Variants in ERBB4 observed in about 807,000 individuals in gnomAD.
ERBB4 encodes the protein erb-b2 receptor tyrosine kinase 4, also known as receptor tyrosine-protein kinase erbB-4.
ERBB4 carries 42 observed loss-of-function variants against 158.0 expected under a neutral mutation model. That is an observed-to-expected ratio of 0.27 (90% confidence interval 0.21 to 0.34). ERBB4 has a LOEUF of 0.34. ERBB4 is among the 10% of genes least tolerant of loss of function. The pLI is 1.00. For missense variants in ERBB4, 1,333 were observed against 1,624.1 expected (o/e 0.82, Z 3.08); for synonymous variants, 583 against 558.7 (o/e 1.04, Z -0.61).
intron 1 of ERBB4, among the ~76,000 whole-genome samples, chr2:212,403,550 C>A (rs2091266902): frequency 6.6e-6 from 1 of 151,898 alleles, no homozygotes; most frequent in Admixed American, 6.6e-5. Flanking sequence ...TATTATTCAA[C>A]CTTAAAAAAG....
At position 211,696,516 on chromosome 2, in the gene ERBB4, G is replaced by A. The variant is rs186986314; in HGVS notation, c.1489+5451C>T. The stretch of plus-strand genomic sequence containing the variant: ...GGTATAGAGACAATAAGTGATCTCC[G>A]TAAAGGTCAGATAGCAAAGAGTTCT... On this transcript the variant is annotated intron_variant, in intron 12 of 27. Coordinates refer to ENST00000342788, the MANE Select transcript of ERBB4 (RefSeq NM_005235.3). Among the ~76,000 whole-genome samples, 580 of 152,146 alleles carry A rather than the reference G, an allele frequency of 3.8e-3. 20 individuals are homozygous for A. Among genetic ancestry groups the A allele is most frequent in the Admixed American group, 0.034 (520 of 15,274 alleles).
At chr2:211,571,676 A>G (rs2067733693) in intron 19 of ERBB4, among the ~76,000 whole-genome samples, 3 of 152,222 alleles carry the variant, frequency 2.0e-5, no homozygotes, top group South Asian at 4.1e-4. Flanking sequence ...CTCTGGAAGC[A>G]GTAATGTGAG....
chr2:211,516,398 A>G (rs2066034627), intron 20 of ERBB4, among the ~76,000 whole-genome samples: 1 of 150,652 alleles, frequency 6.6e-6, no homozygotes, highest in Non-Finnish European at 1.5e-5. Context: ...CAGTGGTACA[A>G]TCTTGGCTCA....
At chr2:212,395,951 C>T (rs1303746468) in intron 1 of ERBB4, among the ~76,000 whole-genome samples, 1 of 152,020 alleles carries the variant, frequency 6.6e-6, no homozygotes, top group Non-Finnish European at 1.5e-5. Context: ...AAGATCAACC[C>T]AGTGGATAAC....
At chr2:211,950,930 T>A (rs1404973641) in intron 2 of ERBB4, among the ~76,000 whole-genome samples, 4 of 152,202 alleles carry the variant, frequency 2.6e-5, no homozygotes, top group African/African-American at 9.6e-5. Flanking sequence ...AATGCCCTTA[T>A]CTACCTCTTT....
At chr2:212,235,289 T>C (rs756827394) in intron 1 of ERBB4, among the ~76,000 whole-genome samples, 2 of 152,188 alleles carry the variant, frequency 1.3e-5, no homozygotes, top group Non-Finnish European at 2.9e-5. Context: ...TGATTGTATA[T>C]GTGTGGCATT....
At chr2:212,361,294 T>G (rs1272916894) in intron 1 of ERBB4, among the ~76,000 whole-genome samples, 1 of 151,676 alleles carries the variant, frequency 6.6e-6, no homozygotes, top group African/African-American at 2.4e-5. Flanking sequence ...TGTGCCTCCA[T>G]GCTTTCTTTG....
At chr2:211,707,125 C>G (rs1032088772) in intron 9 of ERBB4, among the ~76,000 whole-genome samples, 4 of 152,150 alleles carry the variant, frequency 2.6e-5, no homozygotes, top group Admixed American at 2.0e-4. Flanking sequence ...TCAGGGCAAG[C>G]ACACAATAAT....
At chr2:211,585,746 G>C (rs1574810084) in intron 19 of ERBB4, among the ~76,000 whole-genome samples, 2 of 151,954 alleles carry the variant, frequency 1.3e-5, no homozygotes, top group African/African-American at 4.8e-5. Flanking sequence ...ATTTGTATTA[G>C]GTAAAGCATA....
chr2:211,801,628 A>G (rs1575166244), intron 3 of ERBB4, among the ~76,000 whole-genome samples: 1 of 152,298 alleles, frequency 6.6e-6, no homozygotes, highest in Non-Finnish European at 1.5e-5. Context: ...TTCTAAAGAT[A>G]TAATTATCTT....
intron 8 of ERBB4, among the ~76,000 whole-genome samples, chr2:211,712,417 T>C (rs1368832074): frequency 6.6e-6 from 1 of 152,164 alleles, no homozygotes; most frequent in Non-Finnish European, 1.5e-5. Context: ...GAAATTACAT[T>C]TTATATCAAG....
At chr2:212,220,612 C>T (rs1205912108) in intron 1 of ERBB4, among the ~76,000 whole-genome samples, 1 of 151,340 alleles carries the variant, frequency 6.6e-6, no homozygotes, top group Non-Finnish European at 1.5e-5. Flanking sequence ...GAGATGGCAA[C>T]AGATGATATG....
chr2:211,383,282 GAAAGAA>G lies in ERBB4; in HGVS notation c.*327_*332del, dbSNP rs948307997. 5.3e-5 allele frequency: 14 copies of G among 262,830 alleles called. No homozygotes were observed. Among genetic ancestry groups the G allele is most frequent in the African/African-American group, 1.9e-4 (8 of 42,262 alleles). 16.3% of individuals were successfully genotyped at this position (262,830 alleles called of 1,614,324 possible). On this transcript the variant is annotated 3_prime_UTR_variant, in exon 28 of 28. Transcript: ENST00000342788. Reference sequence around the variant, plus strand: ...AAAAGAAGAGGAAGAAAGAAACAAAGAAAGAAAAAGAAAAAGAAAAAAAGTGACAGC... The same window carrying G: ...AAAAGAAGAGGAAGAAAGAAACAAAGAAAGAAAAAGAAAAAAAGTGACAGC...
chr2:212,286,505 C>A (rs4673657), intron 1 of ERBB4, among the ~76,000 whole-genome samples: 4 of 151,370 alleles, frequency 2.6e-5, no homozygotes, highest in South Asian at 2.1e-4. Context: ...GGTTGCATAA[C>A]CTCTCTGAGC....
At chr2:212,511,174 GC>G (rs1691498211) in intron 1 of ERBB4, among the ~76,000 whole-genome samples, 1 of 152,150 alleles carries the variant, frequency 6.6e-6, no homozygotes, top group Non-Finnish European at 1.5e-5. Flanking sequence ...AATTAAAGAT[GC>G]CACTGTAACT....
chr2:211,431,198 AT>A, intron 20 of ERBB4, 98 bp from the exon 21 acceptor site: 2 of 1,068,732 alleles, frequency 1.9e-6, no homozygotes, highest in South Asian at 1.3e-5. Flanking sequence ...GAAGTGCCTA[AT>A]TTTTTAAGTG....
intron 2 of ERBB4, among the ~76,000 whole-genome samples, chr2:212,064,644 C>A (rs2077883585): frequency 6.6e-6 from 1 of 151,990 alleles, no homozygotes. Context: ...GAGGTACAGT[C>A]AAATAAATGG....
chr2:212,373,037 T>A (rs1252105053), intron 1 of ERBB4, among the ~76,000 whole-genome samples: 1 of 152,176 alleles, frequency 6.6e-6, no homozygotes, highest in African/African-American at 2.4e-5. Flanking sequence ...ATTAAAACAA[T>A]AGTTTTTGTA....
chr2:211,711,966 A>T, intron 9 of ERBB4, 84 bp downstream of exon 9: 1 of 1,190,384 alleles, frequency 8.4e-7, no homozygotes, highest in Non-Finnish European at 1.2e-6. Context: ...CAGCTTCCAG[A>T]GGAATCAAAT....
Sources: allele counts gnomAD v4.1 joint callset (sites outside exome capture counted in the v4.1 genomes callset), GRCh38; gene constraint gnomAD v4.1.1; transcripts MANE v1.5; gene names NCBI Gene and HGNC (gene_info 2026-07-23, HGNC 2026-07-21).